ERN1: variants seen among roughly 807,000 people sequenced by gnomAD.
ERN1 encodes the protein endoplasmic reticulum to nucleus signaling 1, also known as serine/threonine-protein kinase/endoribonuclease IRE1.
In ERN1, 39 loss-of-function variants were observed where a neutral mutation model predicts 113.1. That is an observed-to-expected ratio of 0.34 (90% CI 0.27 to 0.45). The LOEUF (loss-of-function observed/expected upper bound fraction) is 0.45. Among genes scored for constraint, ERN1 ranks in the 20% least tolerant of loss-of-function variants. The pLI, the probability that ERN1 is intolerant of heterozygous loss-of-function variation, is 1.00. For missense variants in ERN1, 976 were observed against 1,274.8 expected, an observed-to-expected ratio of 0.77 and a Z score of 3.57; for synonymous variants, 507 against 515.9, an observed-to-expected ratio of 0.98 and a Z score of 0.23.
intron 8 of ERN1, 106 bp downstream of exon 8, chr17:64,066,565 A>C: frequency 7.3e-7 from 1 of 1,365,914 alleles, no homozygotes; most frequent in Non-Finnish European, 1.0e-6. Flanking sequence ...TCATGGCTTC[A>C]GAGACTGCCC....
chr17:64,121,013 C>T (rs147656073), intron 1 of ERN1, among the ~76,000 whole-genome samples: 12 of 152,262 alleles, frequency 7.9e-5, no homozygotes, highest in African/African-American at 2.9e-4. Context: ...CATCAGCAAG[C>T]CAGGGTCCCT....
Position 64,044,303 on chromosome 17 carries a change from G to C in ERN1, c.2722-103C>G. The C allele has an allele frequency of 3.7e-6, 3 of 813,800 alleles. No homozygotes were observed. The highest frequency in any genetic ancestry group is 1.8e-6 in the Non-Finnish European group (1 of 549,986). 50.4% of individuals were successfully genotyped at this position (813,800 alleles called of 1,614,324 possible). The stretch of plus-strand genomic sequence containing the variant: ...CATGCAAGGAAGAGACAGAATGTGA[G>C]TGTTGGTTTTTGGTAAAGAAAAAGA... On this transcript the variant is annotated intron_variant, in intron 21 of 21. Transcript: ENST00000433197. This position sits in a 1 kb window ranked among gnomAD's most constrained non-coding sequence, Gnocchi z 4.1.
At chr17:64,059,618 A>G (rs1912988062) in intron 11 of ERN1, among the ~76,000 whole-genome samples, 1 of 152,306 alleles carries the variant, frequency 6.6e-6, no homozygotes. Flanking sequence ...TAAAGCTAAC[A>G]GGGGACACCA....
At chr17:64,059,551 C>T (rs1415697709) in intron 11 of ERN1, among the ~76,000 whole-genome samples, 2 of 152,198 alleles carry the variant, frequency 1.3e-5, no homozygotes, top group Non-Finnish European at 2.9e-5. Flanking sequence ...CCCCAGAAGG[C>T]TGACCTGTAT....
intron 9 of ERN1, among the ~76,000 whole-genome samples, chr17:64,064,466 G>T (rs1316402444): frequency 6.6e-6 from 1 of 152,226 alleles, no homozygotes; most frequent in East Asian, 1.9e-4. Flanking sequence ...GGATATCTCT[G>T]TTAGTCACAA....
Position 64,065,240 on chromosome 17 carries a change from G to C in ERN1, c.890C>G (p.Pro297Arg). Residue 297 changes from proline to arginine, a missense_variant, in exon 9 of 22, where the codon CCC (proline) becomes CGC (arginine). This residue lies in a region of ERN1 where 459 missense variants were observed against 581.2 expected (regional missense o/e 0.79). Coordinates refer to ENST00000433197, the MANE Select transcript of ERN1 (RefSeq NM_001433.5). ...AGCAACCCCCTCGTGTACCATTGAG[G>C]GAGAGGCATAGAGGCTGGTAGAGTA... ...GKYSTSLYASPSMVHEGVAVV... is the reference protein window; with the variant it reads ...GKYSTSLYASRSMVHEGVAVV... 6.2e-7 allele frequency: 1 copy of C among 1,609,626 alleles called. No individual in the cohort carries two copies. Among genetic ancestry groups the C allele is most frequent in the Non-Finnish European group, 8.5e-7 (1 of 1,178,002 alleles).
intron 2 of ERN1, among the ~76,000 whole-genome samples, chr17:64,088,469 G>C (rs1263499411): frequency 3.9e-5 from 6 of 152,180 alleles, no homozygotes; most frequent in Admixed American, 3.9e-4. Flanking sequence ...AGGACCCAAA[G>C]AGCAGAGATG....
At chr17:64,051,719 G>A (rs777483049) in intron 17 of ERN1, among the ~76,000 whole-genome samples, 7 of 152,174 alleles carry the variant, frequency 4.6e-5, no homozygotes, top group Non-Finnish European at 1.0e-4. Context: ...CAAATGTAAC[G>A]CAAGACACCT....
chr17:64,068,858 A>C (rs1484388956), intron 6 of ERN1, among the ~76,000 whole-genome samples: 1 of 152,160 alleles, frequency 6.6e-6, no homozygotes, highest in Non-Finnish European at 1.5e-5. Context: ...AAAAGTACCT[A>C]ATCAACTCAG....
At position 64,075,306 on chromosome 17, in the gene ERN1, A is replaced by G. The variant is rs1913559258; in HGVS notation, c.283-59T>C. The G allele has an allele frequency of 1.2e-5, 16 of 1,388,832 alleles. No individual in the cohort carries two copies. The South Asian group carries it at 2.0e-4, about 17-fold the overall frequency. The allele number at this position is 1,388,832 out of a possible 1,614,324, so 86.0% of individuals were successfully genotyped here. A position where few individuals can be genotyped will look rare whatever the true frequency, so the allele number is the denominator to read the frequency against. ...AACCAAGTCTTGTGCAATTATTACA[A>G]TTTTACCAGGCAGTTTGTTTCTATT... On this transcript the variant is annotated intron_variant, in intron 4 of 21. Coordinates refer to ENST00000433197, the MANE Select transcript of ERN1 (RefSeq NM_001433.5).
intron 2 of ERN1, among the ~76,000 whole-genome samples, chr17:64,081,949 T>G (rs957959325): frequency 1.3e-5 from 2 of 152,082 alleles, no homozygotes; most frequent in African/African-American, 2.4e-5. Flanking sequence ...ATGAGGTATT[T>G]CCAGCAACCA....
intron 2 of ERN1, among the ~76,000 whole-genome samples, chr17:64,093,297 C>G (rs758964426): frequency 5.9e-5 from 9 of 152,112 alleles, no homozygotes; most frequent in Non-Finnish European, 1.2e-4. Context: ...GCTCTGAATC[C>G]CTCTTTGAGA....
chr17:64,120,194 C>T (rs984313502), intron 1 of ERN1, among the ~76,000 whole-genome samples: 19 of 152,246 alleles, frequency 1.2e-4, no homozygotes, highest in African/African-American at 4.3e-4. Flanking sequence ...TGGGAAGCAC[C>T]GCCTCAAGTA....
intron 1 of ERN1, chr17:64,102,838 T>A (rs992379126): frequency 1.0e-6 from 1 of 985,172 alleles, no homozygotes; most frequent in Non-Finnish European, 1.2e-6. Context: ...AGTCTGCAGA[T>A]CTGTTTCAAG....
chr17:64,111,760 T>C (rs1914678339), intron 1 of ERN1, among the ~76,000 whole-genome samples: 1 of 152,172 alleles, frequency 6.6e-6, no homozygotes, highest in Non-Finnish European at 1.5e-5. Context: ...TTTTTTCTTT[T>C]AAAAACTGAA....
chr17:64,056,642 G>A (rs186011343), intron 12 of ERN1, among the ~76,000 whole-genome samples: 1 of 152,300 alleles, frequency 6.6e-6, no homozygotes, highest in East Asian at 1.9e-4. Flanking sequence ...CCCTACCCAT[G>A]TGCAGGAGGT....
chr17:64,093,629 T>G (rs1396063882), intron 2 of ERN1, among the ~76,000 whole-genome samples: 10 of 152,100 alleles, frequency 6.6e-5, no homozygotes, highest in Admixed American at 5.2e-4. Context: ...ATGAGCGAGC[T>G]CTGGTCTCTC....
chr17:64,119,377 T>G (rs12950625), intron 1 of ERN1, among the ~76,000 whole-genome samples: 11 of 72,958 alleles, frequency 1.5e-4, no homozygotes, highest in South Asian at 1.2e-3. Flanking sequence ...TTTTTCTAGG[T>G]TTTTTTTTTT....
At chr17:64,059,830 C>T (rs906637361) in intron 11 of ERN1, among the ~76,000 whole-genome samples, 1 of 147,924 alleles carries the variant, frequency 6.8e-6, no homozygotes, top group East Asian at 2.0e-4. Context: ...AACTTCAGAT[C>T]TCATCACTTC....
Sources: allele counts gnomAD v4.1 joint callset (sites outside exome capture counted in the v4.1 genomes callset), GRCh38; gene constraint gnomAD v4.1.1; regional missense constraint gnomAD v4.1.1; non-coding constraint Gnocchi (gnomAD v3.1); transcripts MANE v1.5; gene names NCBI Gene and HGNC (gene_info 2026-07-23, HGNC 2026-07-21).